Variants in ZNF280C observed in about 807,000 individuals in gnomAD.
ZNF280C encodes the protein suppressor of hairy wing homolog 3.
ZNF280C carries 14 observed loss-of-function variants against 53.6 expected under a neutral mutation model. The observed-to-expected ratio is 0.26, with a 90% CI of 0.17 to 0.41. The LOEUF is 0.41. Ranked by LOEUF, ZNF280C falls within the 10% of genes least tolerant of loss-of-function variation. ZNF280C has a pLI of 1.00. For missense variants in ZNF280C, 416 were observed against 547.1 expected, an observed-to-expected ratio of 0.76 and a Z score of 2.39; for synonymous variants, 203 against 181.1, an observed-to-expected ratio of 1.12 and a Z score of -0.97.
chrX:130,236,806 TAAAG>T (rs1319119760), intron 6 of ZNF280C, among the ~76,000 whole-genome samples, 167 bp from the exon 7 acceptor site: 1 of 111,191 alleles, frequency 9.0e-6, no homozygotes, highest in Non-Finnish European at 1.9e-5. Flanking sequence ...CAAATGACAA[TAAAG>T]AATGATTAAA....
At chrX:130,241,098 C>T (rs1479747285) in intron 5 of ZNF280C, among the ~76,000 whole-genome samples, 2 of 111,151 alleles carry the variant, frequency 1.8e-5, no homozygotes, top group Non-Finnish European at 3.8e-5. Flanking sequence ...AACTAAGGTC[C>T]GCCTGATTAC....
intron 15 of ZNF280C, 97 bp downstream of exon 15, chrX:130,215,096 T>C (rs2032085291): frequency 1.0e-6 from 1 of 972,864 alleles, no homozygotes; most frequent in South Asian, 2.2e-5. Context: ...TTTAGTTCCT[T>C]GATGAGACAA....
intron 6 of ZNF280C, among the ~76,000 whole-genome samples, chrX:130,238,577 G>A (rs2032357102): frequency 9.0e-6 from 1 of 111,091 alleles, no homozygotes; most frequent in Non-Finnish European, 1.9e-5. Context: ...AGGAGTCACT[G>A]TCTTTACCCT....
intron 13 of ZNF280C, among the ~76,000 whole-genome samples, chrX:130,217,176 A>G (rs184810410): frequency 8.9e-6 from 1 of 112,112 alleles, no homozygotes; most frequent in East Asian, 2.8e-4. Flanking sequence ...GCACCATTAT[A>G]GCCAAAAAGA....
intron 2 of ZNF280C, 124 bp from the exon 3 acceptor site, chrX:130,247,129 T>A: frequency 1.4e-6 from 1 of 735,187 alleles, no homozygotes; most frequent in Non-Finnish European, 1.9e-6. Flanking sequence ...ACTTGATATT[T>A]GTTTGTTTTT....
In ZNF280C at chrX:130,230,673, G is replaced by A. The variant is rs867357094; in HGVS notation, c.826C>T (p.Arg276Cys). 5.8e-6 allele frequency: 7 copies of A among 1,206,148 alleles called. No individual in the cohort carries two copies. The East Asian group carries it at 8.9e-5, about 15-fold the overall frequency. ...KFLGVIVKSE[R>C]PCDEDKTDSE... ...TCAGTCTTGTCTTCATCACATGGAC[G>A]TTCTGATTTAACAATTACTCCCAAA... is the stretch of plus-strand genomic sequence containing the variant. Residue 276 changes from arginine (R) to cysteine (C), a missense_variant, in exon 9 of 19, where the codon CGT becomes TGT. This residue lies in a region of ZNF280C where 193 missense variants were observed against 201.4 expected (regional missense o/e 0.96). Transcript: ENST00000370978.
chrX:130,244,477 T>C (rs1052761910), intron 3 of ZNF280C, among the ~76,000 whole-genome samples: 1 of 110,962 alleles, frequency 9.0e-6, no homozygotes, highest in Non-Finnish European at 1.9e-5. Flanking sequence ...TCTCTCCTAG[T>C]AGAAAAGAAC....
chrX:130,246,692 A>C (rs2032454017), intron 3 of ZNF280C, among the ~76,000 whole-genome samples, 167 bp downstream of exon 3: 2 of 112,046 alleles, frequency 1.8e-5, no homozygotes, highest in Admixed American at 9.5e-5. Flanking sequence ...TCCAGTCCCC[A>C]ACTACATTCC....
chrX:130,251,483 C>T (rs1244570748), intron 2 of ZNF280C, among the ~76,000 whole-genome samples: 1 of 110,660 alleles, frequency 9.0e-6, no homozygotes, highest in Non-Finnish European at 1.9e-5. Context: ...GTCTACAGAG[C>T]AAACAGCCAG....
chrX:130,247,114 T>C, intron 2 of ZNF280C, 109 bp from the exon 3 acceptor site: 1 of 781,901 alleles, frequency 1.3e-6, no homozygotes, highest in Non-Finnish European at 1.8e-6. Context: ...TAATAGCAAT[T>C]ACTGACTTGA....
chrX:130,224,083 C>T (rs1193933132), intron 12 of ZNF280C, among the ~76,000 whole-genome samples: 1 of 111,847 alleles, frequency 8.9e-6, no homozygotes, highest in Non-Finnish European at 1.9e-5. Context: ...CCCTCCGCCC[C>T]CCAATTCATA....
At chrX:130,221,043 T>C (rs16999640) in intron 12 of ZNF280C, among the ~76,000 whole-genome samples, 10,342 of 111,380 alleles carry the variant, frequency 0.093, 1,181 homozygotes, top group African/African-American at 0.32. Context: ...ACACAAACAA[T>C]CTTTTAGGAA....
intron 16 of ZNF280C, among the ~76,000 whole-genome samples, chrX:130,208,251 T>C (rs2032000185): frequency 9.0e-6 from 1 of 111,390 alleles, no homozygotes; most frequent in Non-Finnish European, 1.9e-5. Flanking sequence ...TGCCTCAGCC[T>C]CCTGAGTAGC....
intron 6 of ZNF280C, among the ~76,000 whole-genome samples, chrX:130,238,839 T>TA (rs1252470806): frequency 1.8e-5 from 2 of 111,539 alleles, no homozygotes; most frequent in Non-Finnish European, 3.8e-5. Context: ...TATGAGTAAA[T>TA]AATTACATAT....
intron 8 of ZNF280C, among the ~76,000 whole-genome samples, chrX:130,231,061 C>T (rs1437134294): frequency 9.0e-6 from 1 of 111,136 alleles, no homozygotes; most frequent in African/African-American, 3.3e-5. Flanking sequence ...CCAAAATCAC[C>T]CATTTCATAT....
chrX:130,237,078 T>C (rs1245897047), intron 6 of ZNF280C, among the ~76,000 whole-genome samples: 5 of 112,128 alleles, frequency 4.5e-5, no homozygotes, highest in Non-Finnish European at 9.4e-5. Context: ...TTGTAAAATA[T>C]TTAAAAAATT....
At chrX:130,214,152 A>T (rs2032074290) in intron 15 of ZNF280C, among the ~76,000 whole-genome samples, 1 of 111,165 alleles carries the variant, frequency 9.0e-6, no homozygotes, top group Non-Finnish European at 1.9e-5. Flanking sequence ...AATTAGAATA[A>T]TGAACTTATA....
At chrX:130,256,849 G>C (rs933352762) in intron 2 of ZNF280C, among the ~76,000 whole-genome samples, 3 of 109,261 alleles carry the variant, frequency 2.7e-5, no homozygotes, top group African/African-American at 1.0e-4. Context: ...AGTGAGTTGA[G>C]ATCACGCCAC....
rs961764936 is a variant in ZNF280C at position 130,254,882 on chromosome X, C to T, written c.31+5537G>A. Among the ~76,000 whole-genome samples, 7 of 109,515 alleles carry T rather than the reference C, an allele frequency of 6.4e-5. No homozygotes were observed. The East Asian group carries it at 1.7e-3, about 27-fold the overall frequency. ...AAGACATGAGTGTACCCATAACAAACCTGCACATGTATCCCTGAACTTAAA... is the reference window on the plus strand; with the variant it reads ...AAGACATGAGTGTACCCATAACAAATCTGCACATGTATCCCTGAACTTAAA... On this transcript the variant is annotated intron_variant, in intron 2 of 18. Coordinates refer to ENST00000370978, the MANE Select transcript of ZNF280C (RefSeq NM_017666.5).
Sources: gnomAD v4.1 joint callset for allele counts (sites outside exome capture counted in the v4.1 genomes callset) on GRCh38, gnomAD v4.1.1 for gene constraint, gnomAD v4.1.1 regional missense constraint, MANE v1.5 for transcripts, NCBI Gene and HGNC (gene_info 2026-07-23, HGNC 2026-07-21) for gene names.